SRGAP2C: variants seen among roughly 807,000 people sequenced by gnomAD.
SRGAP2C encodes the protein SLIT-ROBO Rho GTPase-activating protein 2C.
Under a neutral mutation model 25.1 loss-of-function variants are expected in SRGAP2C, and 15 were observed. The ratio of observed to expected loss-of-function variants is 0.60; its 90% CI spans 0.40 to 0.92. The LOEUF (loss-of-function observed/expected upper bound fraction) is 0.92, where lower values mean the gene tolerates loss of function less well. Among genes scored for constraint, SRGAP2C ranks in the 40% least tolerant of loss-of-function variants. SRGAP2C has a pLI of 0.00. For missense variants in SRGAP2C, 144 were observed against 264.4 expected, an observed-to-expected ratio of 0.54 and a Z score of 3.16; for synonymous variants, 44 against 96.6, an observed-to-expected ratio of 0.46 and a Z score of 3.19.
intron 2 of SRGAP2C, among the ~76,000 whole-genome samples, chr1:121,208,119 G>A (rs1655161260): frequency 6.6e-6 from 1 of 152,128 alleles, no homozygotes; most frequent in African/African-American, 2.4e-5. Flanking sequence ...TTGTGTATCA[G>A]CTTTGCAAAT....
intron 3 of SRGAP2C, among the ~76,000 whole-genome samples, chr1:121,295,735 TTGTTGTTGTTGTTGTTG>T: frequency 7.9e-6 from 1 of 127,240 alleles, no homozygotes; most frequent in African/African-American, 3.9e-5. Flanking sequence ...TTTTTTGTTT[TTGTTGTTGTTGTTGTTG>T]TTGTTGTTGT....
intron 4 of SRGAP2C, among the ~76,000 whole-genome samples, chr1:121,364,060 C>CT (rs1456798980): frequency 4.8e-5 from 7 of 145,858 alleles, no homozygotes; most frequent in Non-Finnish European, 1.1e-4. Context: ...AAAGTCCTTC[C>CT]TTTTTTTGCC....
Position 121,355,716 on chromosome 1 carries a change from AATCTCC to A in SRGAP2C, c.424-9574_424-9569del, listed in dbSNP as rs1194507095. The stretch of plus-strand genomic sequence containing the variant: ...GGAGAAATTAGAGCTGGAGATTGGA[AATCTCC>A]ATTTCCAAAGTCTACCTTCTTTTTC... On this transcript the variant is annotated intron_variant, in intron 4 of 9. Coordinates refer to ENST00000367123, the MANE Select transcript of SRGAP2C (RefSeq NM_001329984.2). Among the ~76,000 whole-genome samples, 3 of 138,786 alleles carry A rather than the reference AATCTCC, an allele frequency of 2.2e-5. No homozygotes were observed. In the East Asian group the frequency reaches 6.7e-4, roughly 31 times the overall value. 91.0% of individuals were successfully genotyped at this position (138,786 alleles called of 152,430 possible).
intron 2 of SRGAP2C, among the ~76,000 whole-genome samples, chr1:121,201,369 CTTCT>C (rs1323095647): frequency 6.9e-6 from 1 of 145,920 alleles, no homozygotes; most frequent in African/African-American, 2.6e-5. Flanking sequence ...GTGCTGGTTA[CTTCT>C]TTCTAAGAGT....
intron 4 of SRGAP2C, among the ~76,000 whole-genome samples, chr1:121,345,886 G>A (rs1658733240): frequency 7.4e-6 from 1 of 135,946 alleles, no homozygotes; most frequent in African/African-American, 2.7e-5. Flanking sequence ...CTTGACTTCA[G>A]GTGATCCACC....
At chr1:121,323,299 G>A (rs1307349549) in intron 3 of SRGAP2C, among the ~76,000 whole-genome samples, 1 of 151,222 alleles carries the variant, frequency 6.6e-6, no homozygotes, top group East Asian at 2.0e-4. Flanking sequence ...TAATTCTTTT[G>A]GATCACAATG....
At chr1:121,224,267 C>CACTT (rs1465808040) in intron 2 of SRGAP2C, among the ~76,000 whole-genome samples, 5 of 113,454 alleles carry the variant, frequency 4.4e-5, no homozygotes, top group Non-Finnish European at 1.8e-5. Flanking sequence ...TTTGCCTGTT[C>CACTT]ACTTGCCTGT....
intron 2 of SRGAP2C, among the ~76,000 whole-genome samples, chr1:121,258,626 C>T (rs1246943723): frequency 6.0e-5 from 9 of 149,838 alleles, no homozygotes; most frequent in East Asian, 3.9e-4. Flanking sequence ...CCACCACACC[C>T]GGCTAATTTT....
At chr1:121,289,423 C>T (rs1296278853) in intron 3 of SRGAP2C, among the ~76,000 whole-genome samples, 1 of 151,878 alleles carries the variant, frequency 6.6e-6, no homozygotes, top group Non-Finnish European at 1.5e-5. Flanking sequence ...AAGCCCACGC[C>T]CACCCGGAAC....
At chr1:121,371,993 G>T (rs1659503430) in intron 5 of SRGAP2C, among the ~76,000 whole-genome samples, 1 of 151,966 alleles carries the variant, frequency 6.6e-6, no homozygotes, top group Non-Finnish European at 1.5e-5. Context: ...GGAAAGCTGG[G>T]GGTCTGTTTG....
intron 2 of SRGAP2C, among the ~76,000 whole-genome samples, chr1:121,198,281 G>GTTTTT (rs71278814): frequency 7.0e-6 from 1 of 142,192 alleles, no homozygotes; most frequent in African/African-American, 2.6e-5. Context: ...TATTCTCTTT[G>GTTTTT]TTTTTTTTTT....
intron 2 of SRGAP2C, among the ~76,000 whole-genome samples, chr1:121,258,269 G>A (rs1570742907): frequency 6.6e-6 from 1 of 151,682 alleles, no homozygotes; most frequent in Non-Finnish European, 1.5e-5. Context: ...GTGAAACTGA[G>A]GAGTAGATGG....
At chr1:121,225,829 C>T (rs1206835181) in intron 2 of SRGAP2C, among the ~76,000 whole-genome samples, 20 of 143,594 alleles carry the variant, frequency 1.4e-4, no homozygotes, top group Non-Finnish European at 2.3e-4. Flanking sequence ...CTCAGCCTCC[C>T]GAGTAGCTGG....
intron 2 of SRGAP2C, among the ~76,000 whole-genome samples, chr1:121,188,371 G>C (rs1186363481): frequency 4.6e-5 from 7 of 151,942 alleles, no homozygotes; most frequent in Non-Finnish European, 1.0e-4. Flanking sequence ...TCATGAATAA[G>C]AGCCCTTACT....
chr1:121,320,918 G>C (rs1291489147), intron 3 of SRGAP2C, among the ~76,000 whole-genome samples: 1 of 152,136 alleles, frequency 6.6e-6, no homozygotes, highest in African/African-American at 2.4e-5. Context: ...ACCCAGCCTA[G>C]GCCCTTGAGC....
chr1:121,314,874 C>A (rs1376380632), intron 3 of SRGAP2C: 2 of 576,684 alleles, frequency 3.5e-6, no homozygotes, highest in African/African-American at 1.9e-5. Context: ...GTGTCGCTCA[C>A]GCTGGGAGCT....
intron 2 of SRGAP2C, among the ~76,000 whole-genome samples, chr1:121,211,155 C>G (rs1413403476): frequency 6.6e-6 from 1 of 151,536 alleles, no homozygotes; most frequent in East Asian, 1.9e-4. Flanking sequence ...CCTTGACTCT[C>G]TTTTTATGCA....
chr1:121,268,457 G>A (rs1279231862), intron 2 of SRGAP2C, among the ~76,000 whole-genome samples: 14 of 151,562 alleles, frequency 9.2e-5, no homozygotes, highest in African/African-American at 3.1e-4. Context: ...GAAAGATGAT[G>A]AGCAGGGCTG....
At chr1:121,315,180 T>G in intron 3 of SRGAP2C, 1 of 396,978 alleles carries the variant, frequency 2.5e-6, no homozygotes, top group Non-Finnish European at 4.8e-6. Context: ...AGGTCCTATG[T>G]TACCCAGGCT....
Sources: allele counts gnomAD v4.1 joint callset (sites outside exome capture counted in the v4.1 genomes callset), GRCh38; gene constraint gnomAD v4.1.1; transcripts MANE v1.5; gene names NCBI Gene and HGNC (gene_info 2026-07-23, HGNC 2026-07-21).